CAMKMT: variants seen among roughly 807,000 people sequenced by gnomAD.
CAMKMT encodes CaM KMT.
Under a neutral mutation model 48.0 loss-of-function variants are expected in CAMKMT, and 53 were observed. The observed-to-expected ratio is 1.10, with a 90% CI of 0.89 to 1.39. CAMKMT has a LOEUF of 1.39. CAMKMT is among the 40% of genes most tolerant of loss of function. CAMKMT has a pLI of 0.00. For missense variants in CAMKMT, 428 were observed against 402.7 expected, an observed-to-expected ratio of 1.06 and a Z score of -0.54; for synonymous variants, 165 against 152.3, an observed-to-expected ratio of 1.08 and a Z score of -0.61.
chr2:44,444,324 T>C (rs1347101896), intron 3 of CAMKMT, among the ~76,000 whole-genome samples: 2 of 152,218 alleles, frequency 1.3e-5, no homozygotes, highest in African/African-American at 4.8e-5. Flanking sequence ...TGAATGACAG[T>C]ATTATAAGCT....
intron 3 of CAMKMT, among the ~76,000 whole-genome samples, chr2:44,481,529 A>G (rs1380788798): frequency 6.6e-6 from 1 of 152,020 alleles, no homozygotes; most frequent in Non-Finnish European, 1.5e-5. Flanking sequence ...TCAGAAGCTT[A>G]TGTTAAAATT....
intron 3 of CAMKMT, among the ~76,000 whole-genome samples, chr2:44,529,940 A>C (rs1193263966): frequency 2.0e-5 from 3 of 152,318 alleles, no homozygotes; most frequent in Non-Finnish European, 4.4e-5. Context: ...CCGCATATAT[A>C]ATGTATGTGC....
chr2:44,481,621 A>T (rs568343799), intron 3 of CAMKMT, among the ~76,000 whole-genome samples: 1 of 152,072 alleles, frequency 6.6e-6, no homozygotes, highest in Non-Finnish European at 1.5e-5. Context: ...AATTTTTACA[A>T]AGTATTTTAG....
At chr2:44,764,829 T>C (rs546394008) in intron 9 of CAMKMT, among the ~76,000 whole-genome samples, 3 of 152,194 alleles carry the variant, frequency 2.0e-5, no homozygotes, top group Non-Finnish European at 4.4e-5. Flanking sequence ...TCACTGTTAC[T>C]AATAAGGAGA....
chr2:44,749,833 C>T (rs1680080228), intron 8 of CAMKMT, among the ~76,000 whole-genome samples: 1 of 152,110 alleles, frequency 6.6e-6, no homozygotes, highest in African/African-American at 2.4e-5. Flanking sequence ...TGATACCCAC[C>T]CTTAGCTAAA....
intron 2 of CAMKMT, among the ~76,000 whole-genome samples, chr2:44,382,964 T>G (rs986076894): frequency 6.6e-6 from 1 of 152,146 alleles, no homozygotes; most frequent in Admixed American, 6.5e-5. Context: ...GAAATTTAGT[T>G]TCTTGCAGCT....
intron 3 of CAMKMT, among the ~76,000 whole-genome samples, chr2:44,478,403 A>C (rs1668796792): frequency 6.6e-6 from 1 of 152,160 alleles, no homozygotes; most frequent in African/African-American, 2.4e-5. Context: ...TATGGTGGAT[A>C]ATATTTTTTA....
chr2:44,566,438 A>G (rs1668619819), intron 3 of CAMKMT, among the ~76,000 whole-genome samples: 1 of 152,216 alleles, frequency 6.6e-6, no homozygotes, highest in Non-Finnish European at 1.5e-5. Flanking sequence ...ATAAATTGCT[A>G]AGTTCAATTA....
chr2:44,582,915 G>A (rs1669640092), intron 3 of CAMKMT, among the ~76,000 whole-genome samples: 1 of 152,136 alleles, frequency 6.6e-6, no homozygotes, highest in South Asian at 2.1e-4. Context: ...CTAAATTTGT[G>A]TGTATATTCC....
At chr2:44,553,412 G>C (rs1455375855) in intron 3 of CAMKMT, among the ~76,000 whole-genome samples, 1 of 150,668 alleles carries the variant, frequency 6.6e-6, no homozygotes, top group East Asian at 1.9e-4. Flanking sequence ...CCAGGCTGGA[G>C]TGCAGTAGCG....
intron 3 of CAMKMT, among the ~76,000 whole-genome samples, chr2:44,494,326 C>A (rs1354482480): frequency 6.6e-6 from 1 of 152,064 alleles, no homozygotes; most frequent in African/African-American, 2.4e-5. Context: ...TGAATTGTGT[C>A]CTCTTGAGAT....
intron 3 of CAMKMT, among the ~76,000 whole-genome samples, chr2:44,561,561 G>A (rs1668324388): frequency 6.6e-6 from 1 of 152,078 alleles, no homozygotes; most frequent in African/African-American, 2.4e-5. Flanking sequence ...ATACCTGTAG[G>A]CCTTTTTATT....
At chr2:44,645,151 A>G (rs1673662886) in intron 3 of CAMKMT, among the ~76,000 whole-genome samples, 1 of 152,222 alleles carries the variant, frequency 6.6e-6, no homozygotes, top group African/African-American at 2.4e-5. Flanking sequence ...AGGCTGGGAA[A>G]GGTAGATGGA....
intron 3 of CAMKMT, among the ~76,000 whole-genome samples, chr2:44,447,982 T>C (rs969710343): frequency 6.6e-6 from 1 of 152,240 alleles, no homozygotes; most frequent in Non-Finnish European, 1.5e-5. Context: ...TTTAAATTTA[T>C]AAGTGGTATA....
intron 7 of CAMKMT, among the ~76,000 whole-genome samples, chr2:44,718,816 C>T (rs1678306913): frequency 6.6e-6 from 1 of 152,120 alleles, no homozygotes; most frequent in African/African-American, 2.4e-5. Flanking sequence ...AGGTTTATGA[C>T]CTTTATTATT....
intron 8 of CAMKMT, among the ~76,000 whole-genome samples, chr2:44,746,661 A>G (rs568747591): frequency 6.6e-6 from 1 of 152,366 alleles, no homozygotes; most frequent in African/African-American, 2.4e-5. Context: ...AATGAGGTGC[A>G]GCCATACCTG....
At chr2:44,468,523 C>T (rs560855857) in intron 3 of CAMKMT, among the ~76,000 whole-genome samples, 1 of 152,280 alleles carries the variant, frequency 6.6e-6, no homozygotes. Context: ...TAATTGAAAT[C>T]AGTATATTGA....
At chr2:44,733,604 A>G (rs943429219) in intron 7 of CAMKMT, among the ~76,000 whole-genome samples, 9 of 152,174 alleles carry the variant, frequency 5.9e-5, no homozygotes, top group Non-Finnish European at 1.3e-4. Flanking sequence ...CAGGCCAAAG[A>G]ATTTCCTTTC....
chr2:44,581,494 G>C (rs2103776173), intron 3 of CAMKMT, among the ~76,000 whole-genome samples: 1 of 152,290 alleles, frequency 6.6e-6, no homozygotes, highest in South Asian at 2.1e-4. Context: ...TATACTGACA[G>C]ATCTAAGGTT....
Sources: allele counts gnomAD v4.1 joint callset (sites outside exome capture counted in the v4.1 genomes callset), GRCh38; gene constraint gnomAD v4.1.1; transcripts MANE v1.5; gene names NCBI Gene and HGNC (gene_info 2026-07-23, HGNC 2026-07-21).